PDE6A: variants seen among roughly 807,000 people sequenced by gnomAD.
The protein encoded by PDE6A is rod cGMP-specific 3',5'-cyclic phosphodiesterase subunit alpha.
A neutral mutation model predicts 106.3 loss-of-function variants in PDE6A; 84 were observed. The observed-to-expected ratio is 0.79, with a 90% CI of 0.66 to 0.95. PDE6A has a LOEUF of 0.95. Among genes scored for constraint, PDE6A ranks in the 40% least tolerant of loss-of-function variants. The probability of loss-of-function intolerance (pLI) is 0.00; values close to 1 mark genes in which losing one functional copy is unlikely to be tolerated. For synonymous variants in PDE6A, 394 were observed against 386.6 expected (o/e 1.02, Z -0.23); for missense variants, 1,052 against 1,084.9 (o/e 0.97, Z 0.43).
At chr5:149,870,336 C>T (rs763892368) in intron 17 of PDE6A, among the ~76,000 whole-genome samples, 1 of 152,152 alleles carries the variant, frequency 6.6e-6, no homozygotes, top group African/African-American at 2.4e-5. Flanking sequence ...CTTAGAAACA[C>T]CTTTATGCTT....
chr5:149,868,463 T>G (rs999220573), intron 17 of PDE6A, among the ~76,000 whole-genome samples: 3 of 152,202 alleles, frequency 2.0e-5, no homozygotes, highest in Non-Finnish European at 4.4e-5. Flanking sequence ...TAAATGAGAT[T>G]GTGGTTGGAG....
intron 17 of PDE6A, among the ~76,000 whole-genome samples, chr5:149,869,639 ACGGTTGAAGGTTAAAGGC>A (rs1392229088): frequency 6.6e-6 from 1 of 152,194 alleles, no homozygotes; most frequent in Non-Finnish European, 1.5e-5. Flanking sequence ...GCAGTGGGGA[ACGGTTGAAGGTTAAAGGC>A]CCAATTGTGA....
intron 1 of PDE6A, among the ~76,000 whole-genome samples, chr5:149,938,273 G>GT (rs148140995): frequency 1.7e-4 from 25 of 150,010 alleles, no homozygotes; most frequent in South Asian, 4.3e-4. Flanking sequence ...CTCTGTGAAG[G>GT]TTTTTTTTTT....
At chr5:149,877,886 A>G (rs1220695946) in intron 17 of PDE6A, among the ~76,000 whole-genome samples, 1 of 152,144 alleles carries the variant, frequency 6.6e-6, no homozygotes, top group Non-Finnish European at 1.5e-5. Context: ...TTCACATCCA[A>G]GGGGTTTTCA....
chr5:149,902,602 C>T (rs1753019305), intron 8 of PDE6A, among the ~76,000 whole-genome samples: 1 of 151,974 alleles, frequency 6.6e-6, no homozygotes, highest in South Asian at 2.1e-4. Flanking sequence ...GGGTGGATCA[C>T]CTGCGGTCAG....
chr5:149,895,243 G>A lies in PDE6A; in HGVS notation c.1668C>T (p.Ile556=). Residue 556 remains isoleucine, a synonymous_variant, in exon 13 of 22, where the codon ATC becomes ATT. Coordinates refer to ENST00000255266, the MANE Select transcript of PDE6A (RefSeq NM_000440.3). ...AGCCGTGCCGCCAGTTGTGGTAGGT[G>A]ATCTTGCGGTAGCCCTTACTCAGGG... is the stretch of plus-strand genomic sequence containing the variant. The part of the protein sequence containing the change: ...MYSLSKGYRK[I]TYHNWRHGFN... 1 of 1,614,130 alleles carries A rather than the reference G, an allele frequency of 6.2e-7. No individual in the cohort carries two copies. Among genetic ancestry groups the A allele is most frequent in the Non-Finnish European group, 8.5e-7 (1 of 1,179,964 alleles).
At chr5:149,867,681 A>G in intron 19 of PDE6A, 44 bp downstream of exon 19, 2 of 1,540,012 alleles carry the variant, frequency 1.3e-6, no homozygotes, top group Non-Finnish European at 1.8e-6. Flanking sequence ...GTCAGGATGG[A>G]GCACACACAC....
rs761022237 is a variant in PDE6A at position 149,933,938 on chromosome 5, G to A, written c.709C>T (p.Arg237Cys). Residue 237 changes from arginine (R) to cysteine (C), a missense_variant, in exon 3 of 22, where the codon CGT becomes TGT. Around this residue, in one of 3 missense-constraint regions of PDE6A, gnomAD observed 913 missense variants for 915.2 expected, o/e 1.00. Coordinates refer to ENST00000255266, the MANE Select transcript of PDE6A (RefSeq NM_000440.3). The part of the protein sequence containing the change: ...LSYLHNCETR[R>C]GQILLWSGSK... ...TGGCCCAAGCCCCTTACCTGGCCAC[G>A]TCGAGTTTCACAGTTGTGCAGGTAA... 3.9e-5 allele frequency: 63 copies of A among 1,612,426 alleles called. No homozygotes were observed. Among genetic ancestry groups the A allele is most frequent in the Non-Finnish European group, 4.3e-5 (51 of 1,178,720 alleles).
In PDE6A at chr5:149,863,748, C is replaced by G. The variant is rs1401336199; in HGVS notation, c.2359-482G>C. Among the ~76,000 whole-genome samples the G allele has an allele frequency of 6.6e-6, 1 of 152,184 alleles. No homozygotes were observed. The highest frequency in any genetic ancestry group is 2.4e-5 in the African/African-American group (1 of 41,428). Reference sequence around the variant, plus strand: ...AACCCATCCTCCCACCTCAGCCTCCCAAGTAGCTGGAACTACAGGCTCATG... The same window carrying G: ...AACCCATCCTCCCACCTCAGCCTCCGAAGTAGCTGGAACTACAGGCTCATG... On this transcript the variant is annotated intron_variant, in intron 20 of 21. Coordinates refer to ENST00000255266, the MANE Select transcript of PDE6A (RefSeq NM_000440.3). This position sits in a 1 kb window ranked among gnomAD's most constrained non-coding sequence, Gnocchi z 4.7.
At chr5:149,939,754 T>C (rs1327259898) in intron 1 of PDE6A, among the ~76,000 whole-genome samples, 1 of 152,204 alleles carries the variant, frequency 6.6e-6, no homozygotes, top group Admixed American at 6.5e-5. Context: ...AGAGTCCTGG[T>C]TCACATCCAG....
At chr5:149,888,470 T>C (rs1260372031) in intron 13 of PDE6A, among the ~76,000 whole-genome samples, 1 of 147,694 alleles carries the variant, frequency 6.8e-6, no homozygotes, top group Non-Finnish European at 1.5e-5. Flanking sequence ...TCTTAACACA[T>C]AATTAATATG....
intron 1 of PDE6A, among the ~76,000 whole-genome samples, chr5:149,938,562 C>A (rs768914747): frequency 2.0e-5 from 3 of 152,138 alleles, no homozygotes; most frequent in Non-Finnish European, 4.4e-5. Flanking sequence ...ACAGACAGAC[C>A]TCATGGGTTT....
chr5:149,920,941 A>AAAG (rs1491435901), intron 5 of PDE6A, among the ~76,000 whole-genome samples: 1 of 110,164 alleles, frequency 9.1e-6, no homozygotes, highest in African/African-American at 3.9e-5. Context: ...AGAAAGAGAG[A>AAAG]AAAAGAAAGA....
chr5:149,908,958 T>C (rs1206753157), intron 6 of PDE6A, among the ~76,000 whole-genome samples: 1 of 152,266 alleles, frequency 6.6e-6, no homozygotes, highest in East Asian at 1.9e-4. Flanking sequence ...TTTATTGTAA[T>C]ACATATTTTA....
At chr5:149,933,827 G>A in intron 3 of PDE6A, 103 bp downstream of exon 3, 1 of 801,370 alleles carries the variant, frequency 1.2e-6, no homozygotes, top group South Asian at 1.5e-5. Context: ...CCAGAGACTG[G>A]CTTCCTAGGC....
rs1753678759 is a variant in PDE6A at position 149,920,711 on chromosome 5, C to T, written c.933+924G>A. On this transcript the variant is annotated intron_variant, in intron 5 of 21. Coordinates refer to ENST00000255266, the MANE Select transcript of PDE6A (RefSeq NM_000440.3). ...GGTCCAGTATGGATTAATCATCCAC[C>T]TTTTCAAAAGAAACTGAGAATTCAG... Among the ~76,000 whole-genome samples, 3 of 151,990 alleles carry T rather than the reference C, an allele frequency of 2.0e-5. No individual in the cohort carries two copies. In the South Asian group the frequency reaches 6.2e-4, roughly 32 times the overall value.
At chr5:149,891,418 C>A (rs537016845) in intron 13 of PDE6A, among the ~76,000 whole-genome samples, 1 of 152,132 alleles carries the variant, frequency 6.6e-6, no homozygotes, top group African/African-American at 2.4e-5. Flanking sequence ...TGCAGTGAGC[C>A]GAGATCACAT....
intron 17 of PDE6A, among the ~76,000 whole-genome samples, chr5:149,869,679 C>G (rs1425350125): frequency 1.3e-5 from 2 of 152,132 alleles, no homozygotes; most frequent in African/African-American, 4.8e-5. Context: ...CTCTTCAGAG[C>G]TGTGCTGCAG....
At chr5:149,868,987 A>G (rs1464295492) in intron 17 of PDE6A, among the ~76,000 whole-genome samples, 2 of 152,250 alleles carry the variant, frequency 1.3e-5, no homozygotes, top group Non-Finnish European at 2.9e-5. Context: ...AAGAAAACAT[A>G]TGGTGTAAAG....
Sources: gnomAD v4.1 joint callset for allele counts (sites outside exome capture counted in the v4.1 genomes callset) on GRCh38, gnomAD v4.1.1 for gene constraint, gnomAD v4.1.1 regional missense constraint, Gnocchi (gnomAD v3.1) non-coding constraint, MANE v1.5 for transcripts, NCBI Gene and HGNC (gene_info 2026-07-23, HGNC 2026-07-21) for gene names.